The following CELSR1 variants were observed in gnomAD, a reference collection of about 807,000 sequenced individuals.
CELSR1 encodes the protein adhesion G protein-coupled receptor C1.
In CELSR1, 110 loss-of-function variants were observed where a neutral mutation model predicts 249.1. The ratio of observed to expected loss-of-function variants is 0.44; its 90% CI spans 0.38 to 0.52. The LOEUF is 0.52. CELSR1 is among the 20% of genes least tolerant of loss of function. The pLI is 0.00. For missense variants in CELSR1, 4,109 were observed against 4,296.4 expected, an observed-to-expected ratio of 0.96 and a Z score of 1.22; for synonymous variants, 2,113 against 1,900.0, an observed-to-expected ratio of 1.11 and a Z score of -2.92.
chr22:46,462,982 G>A, intron 2 of CELSR1: 1 of 453,658 alleles, frequency 2.2e-6, no homozygotes, highest in Non-Finnish European at 4.5e-6. Context: ...TGGCTCAATG[G>A]TTTCCACCTG....
At chr22:46,439,004 C>T (rs555970478) in intron 3 of CELSR1, among the ~76,000 whole-genome samples, 185 bp downstream of exon 3, 5 of 152,146 alleles carry the variant, frequency 3.3e-5, no homozygotes, top group East Asian at 3.8e-4. Context: ...GTGATCCACC[C>T]GCCTCGGCCT....
Position 46,465,871 on chromosome 22 carries a change from G to A in CELSR1, c.3545-1526C>T, listed in dbSNP as rs555045856. Reference sequence around the variant, plus strand: ...CACACCCAGAAACGCAGGCCCGGCTGGGGATGCCCAGCTCCCACCCCAGTA... The same window carrying A: ...CACACCCAGAAACGCAGGCCCGGCTAGGGATGCCCAGCTCCCACCCCAGTA... On this transcript the variant is annotated intron_variant, in intron 1 of 34. Coordinates refer to ENST00000674500, the MANE Select transcript of CELSR1 (RefSeq NM_001378328.1). Among the ~76,000 whole-genome samples, 429 of 152,346 alleles carry A rather than the reference G, an allele frequency of 2.8e-3. 2 individuals carry two copies. The highest frequency in any genetic ancestry group is 9.8e-3 in the African/African-American group (407 of 41,576).
In CELSR1 at chr22:46,411,817, G is replaced by T; in HGVS notation, c.4612-58C>A. 1 of 1,604,558 alleles carries T rather than the reference G, an allele frequency of 6.2e-7. No homozygotes were observed. The highest frequency in any genetic ancestry group is 1.7e-5 in the Admixed American group (1 of 59,960). ...GTTTTCTCCACCAGTGCCCTCAGCA[G>T]GCGCACCTGTCACTCATAGAGCGAG... is the stretch of plus-strand genomic sequence containing the variant. On this transcript the variant is annotated intron_variant, in intron 5 of 34. Transcript: ENST00000674500. The surrounding 1 kb of genome is among the most constrained non-coding windows in gnomAD (Gnocchi z 4.2).
rs376221988 is a variant in CELSR1 at position 46,430,745 on chromosome 22, C to T, written c.4611+2648G>A. ...GTCTTCCTGACCTCAAGCTGGCCCC[C>T]GCCACCCCTCCAGGCCCCCACACTG... On this transcript the variant is annotated intron_variant, in intron 5 of 34. Coordinates refer to ENST00000674500, the MANE Select transcript of CELSR1 (RefSeq NM_001378328.1). This position sits in a 1 kb window ranked among gnomAD's most constrained non-coding sequence, Gnocchi z 4.6. Among the ~76,000 whole-genome samples, 7 of 152,114 alleles carry T rather than the reference C, an allele frequency of 4.6e-5. No homozygotes were observed. The highest frequency in any genetic ancestry group is 1.0e-4 in the Non-Finnish European group (7 of 68,022).
chr22:46,453,278 G>A lies in CELSR1; in HGVS notation c.4183+10429C>T, dbSNP rs997229166. Reference sequence around the variant, plus strand: ...GCCAACTACGAACAGCAGCATGCCCGGGCTCAGCTGGAATGCTAGCGAAAA... The same window carrying A: ...GCCAACTACGAACAGCAGCATGCCCAGGCTCAGCTGGAATGCTAGCGAAAA... On this transcript the variant is annotated intron_variant, in intron 2 of 34. Coordinates refer to ENST00000674500, the MANE Select transcript of CELSR1 (RefSeq NM_001378328.1). Among the ~76,000 whole-genome samples the A allele has an allele frequency of 3.3e-5, 5 of 152,184 alleles. No individual in the cohort carries two copies. The South Asian group carries it at 8.3e-4, about 25-fold the overall frequency.
chr22:46,469,740 C>T (rs1013425274), intron 1 of CELSR1, among the ~76,000 whole-genome samples: 1 of 151,210 alleles, frequency 6.6e-6, no homozygotes, highest in African/African-American at 2.4e-5. Flanking sequence ...TCTCGAACTC[C>T]TGACCTCAAG....
chr22:46,409,284 G>T lies in CELSR1; in HGVS notation c.5060-122C>A, dbSNP rs867969374. 2.0e-6 allele frequency: 2 copies of T among 995,860 alleles called. No homozygotes were observed. Among genetic ancestry groups the T allele is most frequent in the Non-Finnish European group, 2.9e-6 (2 of 691,196 alleles). 61.7% of individuals were successfully genotyped at this position (995,860 alleles called of 1,614,324 possible). A position where few individuals can be genotyped will look rare whatever the true frequency, so the allele number is the denominator to read the frequency against. ...GGGCCTTTTTCACTTTAACACGAAG[G>T]TGGGTCTGAGCCTCCCCTCTGTGAC... On this transcript the variant is annotated intron_variant, in intron 8 of 34. Transcript: ENST00000674500. This position sits in a 1 kb window ranked among gnomAD's most constrained non-coding sequence, Gnocchi z 9.8.
Position 46,390,448 on chromosome 22 carries a change from G to A in CELSR1, c.6289C>T (p.Leu2097=). ...GTACAGTTAAAGAGCTCTGGGGGCA[G>A]CCAGCCCTTCTCCCCGCTGCAGTGT... is the stretch of plus-strand genomic sequence containing the variant. ...VRHCSGEKGW[L]PPELFNCTTI... Residue 2097 remains leucine, a synonymous_variant, in exon 17 of 35, where the codon CTG becomes TTG. Coordinates refer to ENST00000674500, the MANE Select transcript of CELSR1 (RefSeq NM_001378328.1). This position sits in a 1 kb window ranked among gnomAD's most constrained non-coding sequence, Gnocchi z 6.3. 2 of 1,613,988 alleles carry A rather than the reference G, an allele frequency of 1.2e-6. No homozygotes were observed. The highest frequency in any genetic ancestry group is 1.7e-6 in the Non-Finnish European group (2 of 1,179,974).
At chr22:46,444,783 G>A (rs1245539224) in intron 2 of CELSR1, among the ~76,000 whole-genome samples, 3 of 152,292 alleles carry the variant, frequency 2.0e-5, no homozygotes, top group African/African-American at 4.8e-5. Flanking sequence ...CCCTCTGGAG[G>A]CTCCAGGGTG....
intron 1 of CELSR1, among the ~76,000 whole-genome samples, chr22:46,470,300 T>C (rs1304213661): frequency 1.3e-5 from 2 of 151,822 alleles, no homozygotes; most frequent in African/African-American, 4.8e-5. Flanking sequence ...AATTGATTAA[T>C]GTTTGGGTCT....
intron 2 of CELSR1, among the ~76,000 whole-genome samples, chr22:46,442,827 C>T (rs1004890144): frequency 6.6e-6 from 1 of 152,150 alleles, no homozygotes; most frequent in Non-Finnish European, 1.5e-5. Context: ...CGCGGTGGCT[C>T]ACGCCTGTAA....
rs1264859147 is a variant in CELSR1, at chr22:46,526,370, G to A, written c.3544+7257C>T. ...GACAGCTAGGTGCTGTGCGTAACCC[G>A]CCAACTCTGCTGGGCCTTTAGCTCA... On this transcript the variant is annotated intron_variant, in intron 1 of 34. Transcript: ENST00000674500. The surrounding 1 kb of genome is among the most constrained non-coding windows in gnomAD (Gnocchi z 4.7). 6.6e-6 allele frequency among the ~76,000 whole-genome samples: 1 copy of A among 152,168 alleles called. No homozygotes were observed. Among genetic ancestry groups the A allele is most frequent in the Non-Finnish European group, 1.5e-5 (1 of 68,034 alleles).
In CELSR1 at chr22:46,410,072, A is replaced by C. The variant is rs2079315054; in HGVS notation, c.4934-192T>G. 6.6e-6 allele frequency among the ~76,000 whole-genome samples: 1 copy of C among 152,208 alleles called. No homozygotes were observed. The highest frequency in any genetic ancestry group is 1.5e-5 in the Non-Finnish European group (1 of 68,036). The stretch of plus-strand genomic sequence containing the variant: ...TGCTGAACGCACTGACCACATTTGG[A>C]GACGCTGGGACGCCAGGCCATCACG... On this transcript the variant is annotated intron_variant, in intron 7 of 34. Coordinates refer to ENST00000674500, the MANE Select transcript of CELSR1 (RefSeq NM_001378328.1). This position sits in a 1 kb window ranked among gnomAD's most constrained non-coding sequence, Gnocchi z 6.8.
chr22:46,387,473 C>T (rs9627436), intron 18 of CELSR1, among the ~76,000 whole-genome samples: 4,125 of 152,024 alleles, frequency 0.027, 192 homozygotes, highest in African/African-American at 0.094. Context: ...CTCTGCCTCC[C>T]GGGTTCAAGC....
At chr22:46,522,291 A>T (rs1395437621) in intron 1 of CELSR1, among the ~76,000 whole-genome samples, 1 of 152,058 alleles carries the variant, frequency 6.6e-6, no homozygotes, top group African/African-American at 2.4e-5. Context: ...ACACCCAGCT[A>T]ATTTTTTTAT....
At position 46,409,954 on chromosome 22, in the gene CELSR1, G is replaced by A. The variant is rs1461772163; in HGVS notation, c.4934-74C>T. 9.4e-6 allele frequency: 15 copies of A among 1,587,902 alleles called. No homozygotes were observed. Among genetic ancestry groups the A allele is most frequent in the African/African-American group, 1.3e-5 (1 of 74,678 alleles). On this transcript the variant is annotated intron_variant, in intron 7 of 34. Transcript: ENST00000674500. This position sits in a 1 kb window ranked among gnomAD's most constrained non-coding sequence, Gnocchi z 9.8. ...GGGTCCCCGGCGCCAGACGTGGCGT[G>A]GGAAACCAGGACGGAATGGACCCGG...
chr22:46,431,369 G>A (rs2147422726), intron 5 of CELSR1, among the ~76,000 whole-genome samples: 1 of 152,382 alleles, frequency 6.6e-6, no homozygotes, highest in South Asian at 2.1e-4. Context: ...ATAGGCAGAT[G>A]ATGATTCTGG....
At position 46,364,204 on chromosome 22, in the gene CELSR1, CCGTCAG is replaced by C. The variant is rs770444089; in HGVS notation, c.8821_8826del (p.Leu2941_Thr2942del). The stretch of plus-strand genomic sequence containing the variant: ...CGGAGCCGGCCCTTCAGCGTCTGCT[CCGTCAG>C]CGTCAGCGGCGGCGGGTAGGTGACT... On this transcript the variant is annotated inframe_deletion, in exon 34 of 35. Coordinates refer to ENST00000674500, the MANE Select transcript of CELSR1 (RefSeq NM_001378328.1). 6.2e-6 allele frequency: 10 copies of C among 1,611,558 alleles called. No individual in the cohort carries two copies. The highest frequency in any genetic ancestry group is 5.0e-5 in the Admixed American group (3 of 59,838).
chr22:46,377,205 C>T lies in CELSR1; in HGVS notation c.7440G>A (p.Leu2480=), dbSNP rs2078928365. 1.2e-6 allele frequency: 2 copies of T among 1,613,824 alleles called. No individual in the cohort carries two copies. Among genetic ancestry groups the T allele is most frequent in the Admixed American group, 3.3e-5 (2 of 59,998 alleles). Reference sequence around the variant, plus strand: ...GGACGAAGGCCACCAGCAGGGCTGCCAGTGACAAGGACACAGCGGCATAGG... The same window carrying T: ...GGACGAAGGCCACCAGCAGGGCTGCTAGTGACAAGGACACAGCGGCATAGG... ...IVTYAAVSLS[L]AALLVAFVLL... The change falls in exon 24 of 35, where the codon CTG becomes CTA. Residue 2480 remains leucine (L), a synonymous_variant. Transcript: ENST00000674500.
Sources: allele counts gnomAD v4.1 joint callset (sites outside exome capture counted in the v4.1 genomes callset), GRCh38; gene constraint gnomAD v4.1.1; non-coding constraint Gnocchi (gnomAD v3.1); transcripts MANE v1.5; gene names NCBI Gene and HGNC (gene_info 2026-07-23, HGNC 2026-07-21).